Variants in CAMKMT observed in about 807,000 individuals in gnomAD.
The protein encoded by CAMKMT is CaM KMT.
A neutral mutation model predicts 48.0 loss-of-function variants in CAMKMT; 53 were observed. The observed-to-expected ratio is 1.10, with a 90% confidence interval of 0.89 to 1.39. The LOEUF (loss-of-function observed/expected upper bound fraction) is 1.39. CAMKMT is among the 40% of genes most tolerant of loss of function. The pLI is 0.00. For synonymous variants in CAMKMT, 165 were observed against 152.3 expected (o/e 1.08, Z -0.61); for missense variants, 428 against 402.7 (o/e 1.06, Z -0.54).
chr2:44,448,339 A>G (rs979688225), intron 3 of CAMKMT, among the ~76,000 whole-genome samples: 6 of 152,210 alleles, frequency 3.9e-5, no homozygotes, highest in East Asian at 1.9e-4. Flanking sequence ...AGGGTCAGCT[A>G]TCTATAGTAT....
intron 7 of CAMKMT, among the ~76,000 whole-genome samples, chr2:44,716,203 A>G (rs2104305150): frequency 6.6e-6 from 1 of 152,180 alleles, no homozygotes; most frequent in Middle Eastern, 3.4e-3. Flanking sequence ...ATCATTTGGT[A>G]TTTTGAATTT....
chr2:44,746,654 G>A (rs936842867), intron 8 of CAMKMT, among the ~76,000 whole-genome samples: 6 of 152,194 alleles, frequency 3.9e-5, no homozygotes, highest in African/African-American at 1.4e-4. Flanking sequence ...AGGAAAAAAT[G>A]AGGTGCAGCC....
chr2:44,737,887 T>C, intron 7 of CAMKMT, among the ~76,000 whole-genome samples: 1 of 115,846 alleles, frequency 8.6e-6, no homozygotes, highest in African/African-American at 3.6e-5. Flanking sequence ...AGATGGAGTC[T>C]CGCTGTTACC....
chr2:44,486,003 C>T (rs1205762760), intron 3 of CAMKMT, among the ~76,000 whole-genome samples: 3 of 151,998 alleles, frequency 2.0e-5, no homozygotes, highest in Non-Finnish European at 4.4e-5. Context: ...CTCACTCTGT[C>T]GCCCAGGCTT....
chr2:44,384,624 GA>G (rs1400162333), intron 2 of CAMKMT, among the ~76,000 whole-genome samples: 1 of 149,908 alleles, frequency 6.7e-6, no homozygotes, highest in Non-Finnish European at 1.5e-5. Context: ...TCAGGTCTTA[GA>G]TTTAAGTCCT....
At chr2:44,595,614 T>C (rs760310523) in intron 3 of CAMKMT, among the ~76,000 whole-genome samples, 4 of 152,186 alleles carry the variant, frequency 2.6e-5, no homozygotes, top group African/African-American at 4.8e-5. Flanking sequence ...GAAGCTACCA[T>C]TGACTTTCTT....
At chr2:44,459,642 A>G (rs984861336) in intron 3 of CAMKMT, among the ~76,000 whole-genome samples, 1 of 152,200 alleles carries the variant, frequency 6.6e-6, no homozygotes, top group Non-Finnish European at 1.5e-5. Flanking sequence ...TGGCTAATAG[A>G]GTAGTAAGTG....
intron 5 of CAMKMT, among the ~76,000 whole-genome samples, chr2:44,707,074 G>C (rs1023056219): frequency 6.6e-6 from 1 of 151,916 alleles, no homozygotes; most frequent in Non-Finnish European, 1.5e-5. Flanking sequence ...CTGAAAGGCA[G>C]AGTGACAGCC....
chr2:44,439,804 A>C lies in CAMKMT; in HGVS notation c.376+49499A>C, dbSNP rs1666529932. On this transcript the variant is annotated intron_variant, in intron 3 of 10. Transcript: ENST00000378494. ...ATCTCATAAAATAAATAAATAAATA[A>C]ATAAATAAATAAATAAATAAATAAG... is the stretch of plus-strand genomic sequence containing the variant. Among the ~76,000 whole-genome samples, 8 of 151,346 alleles carry C rather than the reference A, an allele frequency of 5.3e-5. No homozygotes were observed. In the South Asian group the frequency reaches 1.7e-3, roughly 31 times the overall value.
intron 3 of CAMKMT, among the ~76,000 whole-genome samples, chr2:44,455,841 G>T (rs1277944665): frequency 6.6e-6 from 1 of 152,140 alleles, no homozygotes; most frequent in Non-Finnish European, 1.5e-5. Flanking sequence ...ATTCATTGTA[G>T]TTGGAATGCT....
intron 3 of CAMKMT, among the ~76,000 whole-genome samples, chr2:44,407,426 C>T (rs1290377240): frequency 2.6e-5 from 4 of 152,262 alleles, no homozygotes; most frequent in Non-Finnish European, 5.9e-5. Flanking sequence ...GACGGCAATA[C>T]ACTTTTGCTT....
intron 3 of CAMKMT, among the ~76,000 whole-genome samples, chr2:44,630,465 C>T (rs912572840): frequency 7.4e-5 from 11 of 147,910 alleles, no homozygotes; most frequent in African/African-American, 2.2e-4. Context: ...AGGCAACCCA[C>T]AAAATGGGAG....
Position 44,523,897 on chromosome 2 carries a change from C to T in CAMKMT, c.376+133592C>T, listed in dbSNP as rs144030621. Among the ~76,000 whole-genome samples, 153 of 150,724 alleles carry T rather than the reference C, an allele frequency of 1.0e-3. 1 individual carries two copies. The highest frequency in any genetic ancestry group is 3.6e-3 in the African/African-American group (146 of 40,984). Reference sequence around the variant, plus strand: ...GGTTCAAGTGATTCTCCTGCCTCAGCCTCTTGAGTAGCTGGAATTACAGGC... The same window carrying T: ...GGTTCAAGTGATTCTCCTGCCTCAGTCTCTTGAGTAGCTGGAATTACAGGC... On this transcript the variant is annotated intron_variant, in intron 3 of 10. Coordinates refer to ENST00000378494, the MANE Select transcript of CAMKMT (RefSeq NM_024766.5).
chr2:44,704,433 A>G, intron 4 of CAMKMT, 90 bp downstream of exon 4: 4 of 849,154 alleles, frequency 4.7e-6, no homozygotes, highest in Non-Finnish European at 7.0e-6. Context: ...CTTCAAATTA[A>G]ATTGTTAGAA....
intron 7 of CAMKMT, 32 bp from the exon 8 acceptor site, chr2:44,743,590 T>C: frequency 1.3e-6 from 2 of 1,494,402 alleles, no homozygotes; most frequent in Non-Finnish European, 1.8e-6. Flanking sequence ...AAAAACCCTA[T>C]GTATAATTTT....
At chr2:44,369,677 A>C (rs1678964074) in intron 1 of CAMKMT, 1 of 152,224 alleles carries the variant, frequency 6.6e-6, no homozygotes, top group Non-Finnish European at 1.5e-5. Flanking sequence ...CTGTGCCATA[A>C]CTATAGATTC....
chr2:44,620,736 G>T (rs1394055007), intron 3 of CAMKMT, among the ~76,000 whole-genome samples: 1 of 152,076 alleles, frequency 6.6e-6, no homozygotes, highest in East Asian at 1.9e-4. Context: ...CCTACCCTCT[G>T]TTTCAAAACA....
At chr2:44,423,584 A>G (rs1376607143) in intron 3 of CAMKMT, among the ~76,000 whole-genome samples, 1 of 152,154 alleles carries the variant, frequency 6.6e-6, no homozygotes, top group African/African-American at 2.4e-5. Context: ...TAATTCTGTG[A>G]GCCTAGTTAT....
intron 3 of CAMKMT, among the ~76,000 whole-genome samples, chr2:44,662,176 C>G (rs1319843308): frequency 6.6e-6 from 1 of 152,210 alleles, no homozygotes; most frequent in Non-Finnish European, 1.5e-5. Flanking sequence ...CTTCTCATCT[C>G]CAGCCTCAGC....
Sources: allele counts gnomAD v4.1 joint callset (sites outside exome capture counted in the v4.1 genomes callset), GRCh38; gene constraint gnomAD v4.1.1; transcripts MANE v1.5; gene names NCBI Gene and HGNC (gene_info 2026-07-23, HGNC 2026-07-21).